SHQ1: variants seen among roughly 807,000 people sequenced by gnomAD.
The protein encoded by SHQ1 is protein SHQ1 homolog.
In SHQ1, 49 loss-of-function variants were observed where a neutral mutation model predicts 53.8. That is an observed-to-expected ratio of 0.91 (90% CI 0.72 to 1.16). The LOEUF is 1.16. Among genes scored for constraint, SHQ1 ranks in the 50% most tolerant of loss-of-function variants. The pLI is 0.00. For synonymous variants in SHQ1, 243 were observed against 251.0 expected (o/e 0.97, Z 0.30); for missense variants, 738 against 683.1 (o/e 1.08, Z -0.90).
intron 10 of SHQ1, among the ~76,000 whole-genome samples, chr3:72,777,728 C>G (rs1216843096): frequency 6.6e-6 from 1 of 152,156 alleles, no homozygotes; most frequent in East Asian, 1.9e-4. Flanking sequence ...AAAAGTTGCA[C>G]AAGTACACCA....
At chr3:72,765,567 T>TG (rs1705710293) in intron 10 of SHQ1, among the ~76,000 whole-genome samples, 1 of 129,654 alleles carries the variant, frequency 7.7e-6, no homozygotes, top group Admixed American at 7.4e-5. Context: ...ATTTTTTTTT[T>TG]TTTTTTGAGA....
At chr3:72,740,919 C>A in the SHQ1 span, among the ~76,000 whole-genome samples, 1 of 152,144 alleles carries the variant, frequency 6.6e-6, no homozygotes, top group Non-Finnish European at 1.5e-5. Flanking sequence ...CCAGATTCAC[C>A]TTGTGATTAT....
chr3:72,795,842 C>T (rs538305878), intron 9 of SHQ1, among the ~76,000 whole-genome samples: 61 of 152,170 alleles, frequency 4.0e-4, no homozygotes, highest in African/African-American at 6.5e-4. Context: ...TGGTGGCTCA[C>T]GCCTGTAATC....
At chr3:72,842,546 T>C (rs1708206725) in intron 2 of SHQ1, 144 bp from the exon 3 acceptor site, 3 of 477,142 alleles carry the variant, frequency 6.3e-6, no homozygotes, top group South Asian at 8.9e-5. Flanking sequence ...CTGGGCAACA[T>C]ACCAAGACCC....
intron 10 of SHQ1, among the ~76,000 whole-genome samples, chr3:72,762,440 G>T (rs1357283312): frequency 2.0e-5 from 3 of 152,182 alleles, no homozygotes; most frequent in Non-Finnish European, 4.4e-5. Context: ...ATGGAAATGT[G>T]GGTCTCATAA....
chr3:72,746,844 G>A (rs914941915), downstream of SHQ1, among the ~76,000 whole-genome samples: 3 of 152,194 alleles, frequency 2.0e-5, no homozygotes, highest in Non-Finnish European at 2.9e-5. Flanking sequence ...TAAATGAGGG[G>A]AGTTACAGAT....
chr3:72,806,706 CA>C (rs1706957841), intron 9 of SHQ1, among the ~76,000 whole-genome samples: 1 of 152,158 alleles, frequency 6.6e-6, no homozygotes, highest in African/African-American at 2.4e-5. Context: ...TACACTATCC[CA>C]TGAACCTCCT....
chr3:72,786,879 C>T (rs1361780937), intron 10 of SHQ1, among the ~76,000 whole-genome samples: 1 of 152,188 alleles, frequency 6.6e-6, no homozygotes, highest in African/African-American at 2.4e-5. Context: ...GTCTCTCTCA[C>T]TACCTCATTT....
At chr3:72,794,415 A>G (rs974923232) in intron 9 of SHQ1, 4 of 152,250 alleles carry the variant, frequency 2.6e-5, no homozygotes, top group Non-Finnish European at 4.4e-5. Flanking sequence ...AAGTGTTCTA[A>G]GAATGAATGA....
At chr3:72,786,256 C>T (rs1424145530) in intron 10 of SHQ1, among the ~76,000 whole-genome samples, 1 of 152,172 alleles carries the variant, frequency 6.6e-6, no homozygotes, top group African/African-American at 2.4e-5. Flanking sequence ...GAGCTCTGCC[C>T]CACCACAATT....
chr3:72,736,977 C>G, the SHQ1 span, among the ~76,000 whole-genome samples: 1 of 150,636 alleles, frequency 6.6e-6, no homozygotes, highest in Non-Finnish European at 1.5e-5. Context: ...TCTAAGGGTA[C>G]TGTAGGGTTA....
chr3:72,844,301 A>G, intron 2 of SHQ1, 58 bp downstream of exon 2: 1 of 1,368,248 alleles, frequency 7.3e-7, no homozygotes, highest in African/African-American at 1.4e-5. Context: ...TAAGATTATT[A>G]TGTAAATAAT....
intron 10 of SHQ1, among the ~76,000 whole-genome samples, chr3:72,791,272 AG>A (rs1299986298): frequency 1.2e-4 from 18 of 152,242 alleles, no homozygotes; most frequent in African/African-American, 4.3e-4. Context: ...AAATGGCAGC[AG>A]GGTATTTGAT....
intron 10 of SHQ1, 137 bp from the exon 11 acceptor site, chr3:72,750,973 A>C: frequency 1.6e-6 from 1 of 616,404 alleles, no homozygotes; most frequent in South Asian, 3.0e-5. Context: ...TAACAGATCC[A>C]AGATATTTAT....
chr3:72,797,400 TAC>T (rs1706658647), intron 9 of SHQ1, among the ~76,000 whole-genome samples: 1 of 152,162 alleles, frequency 6.6e-6, no homozygotes, highest in Non-Finnish European at 1.5e-5. Flanking sequence ...CATGTGGGAG[TAC>T]AGTTGTTTAT....
chr3:72,842,265 C>A lies in SHQ1; in HGVS notation c.331+15G>T. ...TCTATTTATCCTAATTTCCTCCCAA[C>A]TGTAATAAACATACCTATTTCTTCC... On this transcript the variant is annotated intron_variant, in intron 3 of 10. Coordinates refer to ENST00000325599, the MANE Select transcript of SHQ1 (RefSeq NM_018130.3). The A allele has an allele frequency of 6.2e-7, 1 of 1,610,812 alleles. No homozygotes were observed. The highest frequency in any genetic ancestry group is 8.5e-7 in the Non-Finnish European group (1 of 1,178,172).
the SHQ1 span, among the ~76,000 whole-genome samples, chr3:72,725,486 A>AGGCCTT: frequency 6.6e-6 from 1 of 152,104 alleles, no homozygotes; most frequent in African/African-American, 2.4e-5. Flanking sequence ...CTCCTCAGAG[A>AGGCCTT]GGCCTTTCCC....
chr3:72,758,891 T>A (rs1249085591), intron 10 of SHQ1, among the ~76,000 whole-genome samples: 1 of 152,200 alleles, frequency 6.6e-6, no homozygotes, highest in Non-Finnish European at 1.5e-5. Flanking sequence ...TAGTCCAGAA[T>A]TAAGGAGTCA....
rs541461743 is a variant in SHQ1, at chr3:72,847,911, G to A, written c.143+287C>T. Among the ~76,000 whole-genome samples the A allele has an allele frequency of 9.2e-5, 14 of 152,246 alleles. No homozygotes were observed. The South Asian group carries it at 1.0e-3, about 11-fold the overall frequency. ...AAGTCAGAACGGGACGAGAACTAGG[G>A]CGACAGGGCAGAAACGGGAAAGTGA... On this transcript the variant is annotated intron_variant, in intron 1 of 10. Transcript: ENST00000325599.
Sources: allele counts gnomAD v4.1 joint callset (sites outside exome capture counted in the v4.1 genomes callset), GRCh38; gene constraint gnomAD v4.1.1; transcripts MANE v1.5; gene names NCBI Gene and HGNC (gene_info 2026-07-23, HGNC 2026-07-21).